Variants in P4HA3 observed in about 807,000 individuals in gnomAD.
P4HA3 encodes prolyl 4-hydroxylase subunit alpha 3.
A neutral mutation model predicts 66.7 loss-of-function variants in P4HA3; 60 were observed. That is an observed-to-expected ratio of 0.90 (90% CI 0.73 to 1.12). The LOEUF is 1.12. Ranked by LOEUF, P4HA3 falls within the 50% of genes most tolerant of loss-of-function variation. P4HA3 has a pLI of 0.00. For missense variants in P4HA3, 683 were observed against 685.8 expected (o/e 1.00, Z 0.05); for synonymous variants, 263 against 274.6 (o/e 0.96, Z 0.42).
intron 1 of P4HA3, among the ~76,000 whole-genome samples, chr11:74,310,000 C>T (rs534448337): frequency 5.1e-4 from 77 of 152,190 alleles, no homozygotes; most frequent in Non-Finnish European, 1.0e-3. Context: ...TTCCACATAC[C>T]TTCTTCTCAT....
At chr11:74,268,904 G>C (rs1860090644) in intron 11 of P4HA3, among the ~76,000 whole-genome samples, 1 of 152,154 alleles carries the variant, frequency 6.6e-6, no homozygotes, top group Non-Finnish European at 1.5e-5. Context: ...CCTCAAAGTA[G>C]ACAAAACTCC....
chr11:74,289,807 G>A (rs1265498217), intron 4 of P4HA3, among the ~76,000 whole-genome samples: 1 of 151,878 alleles, frequency 6.6e-6, no homozygotes, highest in Non-Finnish European at 1.5e-5. Flanking sequence ...AGTATTCCCT[G>A]GTGTATGTGC....
At chr11:74,252,601 A>G in intron 15 of P4HA3, 1 of 451,702 alleles carries the variant, frequency 2.2e-6, no homozygotes, top group Non-Finnish European at 4.4e-6. Flanking sequence ...GAGGTGGATA[A>G]TTCTTCATTG....
chr11:74,289,204 T>TAAAA, intron 4 of P4HA3, 74 bp from the exon 5 acceptor site: 11 of 875,978 alleles, frequency 1.3e-5, no homozygotes, highest in Middle Eastern at 3.8e-4. Flanking sequence ...ACCATTAAAT[T>TAAAA]AAAAAAAAAA....
chr11:74,273,608 C>T lies in P4HA3; in HGVS notation c.1336-1G>A, dbSNP rs775919037. ...TTCTGTAGAGGGGGCTGCTTGGTGA[C>T]TGAGAAAAAAAAAAACAGAACATAT... On this transcript the variant is annotated splice_acceptor_variant, in intron 9 of 12. Transcript: ENST00000331597. LOFTEE classifies it high-confidence loss of function. 1 of 1,548,642 alleles carries T rather than the reference C, an allele frequency of 6.5e-7. No homozygotes were observed. The highest frequency in any genetic ancestry group is 8.7e-7 in the Non-Finnish European group (1 of 1,154,682).
At chr11:74,276,857 G>A (rs1177913927) in intron 9 of P4HA3, 128 bp downstream of exon 9, 1 of 1,083,106 alleles carries the variant, frequency 9.2e-7, no homozygotes, top group Non-Finnish European at 1.3e-6. Context: ...AGATATTTCT[G>A]GAAAAAGAAC....
At chr11:74,296,624 G>C (rs1294119373) in intron 4 of P4HA3, among the ~76,000 whole-genome samples, 2 of 152,120 alleles carry the variant, frequency 1.3e-5, no homozygotes, top group African/African-American at 2.4e-5. Context: ...AACATAAACA[G>C]GATTTCACCA....
intron 9 of P4HA3, among the ~76,000 whole-genome samples, chr11:74,274,471 A>C (rs1486918005): frequency 6.8e-6 from 1 of 147,578 alleles, no homozygotes; most frequent in Non-Finnish European, 1.5e-5. Flanking sequence ...ATGCCCAGCT[A>C]ATTTTTTTTT....
At position 74,311,423 on chromosome 11, in the gene P4HA3, C is replaced by T. The variant is rs886801251; in HGVS notation, c.189G>A (p.Arg63=). 1 of 1,529,388 alleles carries T rather than the reference C, an allele frequency of 6.5e-7. No homozygotes were observed. The highest frequency in any genetic ancestry group is 8.7e-7 in the Non-Finnish European group (1 of 1,145,658). The allele number at this position is 1,529,388 out of a possible 1,614,324, so 94.7% of individuals were successfully genotyped here. A position where few individuals can be genotyped will look rare whatever the true frequency, so the allele number is the denominator to read the frequency against. The stretch of plus-strand genomic sequence containing the variant: ...CGTCGTGCCCTCACCTAGTCAGGTC[C>T]CGCAGCCGCGCCTCCTCCCCGCGCA... ...RYLRGEEARL[R]DLTRFYDKVL... Residue 63 remains arginine (R), a synonymous_variant, in exon 1 of 13, where the codon CGG becomes CGA. Transcript: ENST00000331597.
chr11:74,298,992 A>C (rs925142330), intron 3 of P4HA3, among the ~76,000 whole-genome samples: 4 of 152,276 alleles, frequency 2.6e-5, no homozygotes, highest in Non-Finnish European at 4.4e-5. Context: ...TCATTCATTC[A>C]TTCATTTATT....
chr11:74,270,424 T>G (rs1225887193), intron 10 of P4HA3, among the ~76,000 whole-genome samples: 1 of 152,206 alleles, frequency 6.6e-6, no homozygotes, highest in East Asian at 1.9e-4. Context: ...ATGTGAAGCT[T>G]TTTTTCTGGT....
At chr11:74,292,683 C>T (rs1218499430) in intron 4 of P4HA3, among the ~76,000 whole-genome samples, 1 of 152,244 alleles carries the variant, frequency 6.6e-6, no homozygotes, top group Middle Eastern at 3.4e-3. Flanking sequence ...ATCTTTATTT[C>T]TGCCTTCATT....
rs973360712 is a variant in P4HA3 at position 74,287,850 on chromosome 11, C to A, written c.769+1229G>T. 2.1e-4 allele frequency among the ~76,000 whole-genome samples: 32 copies of A among 152,250 alleles called. No individual in the cohort carries two copies. The East Asian group carries it at 4.1e-3, about 19-fold the overall frequency. On this transcript the variant is annotated intron_variant, in intron 5 of 12. Transcript: ENST00000331597. ...TGGCCAACATGGCAGAACCCCATCT[C>A]TGCTAAAAATATAAAAATTAGCTGG...
intron 8 of P4HA3, among the ~76,000 whole-genome samples, chr11:74,279,176 C>T (rs1032254446): frequency 2.6e-5 from 4 of 152,202 alleles, no homozygotes; most frequent in Non-Finnish European, 4.4e-5. Context: ...AAGTCTCTCT[C>T]GAATGGCCTT....
In P4HA3 at chr11:74,308,758, T is replaced by TTAAAATAAAA. The variant is rs138633165; in HGVS notation, c.200+2644_200+2653dup. On this transcript the variant is annotated intron_variant, in intron 1 of 12. Transcript: ENST00000331597. ...TGGGGCCTAGTTTCACTAGATGGTCTTAAAATAAAATAAAATAAAATAATA... is the reference window on the plus strand; with the variant it reads ...TGGGGCCTAGTTTCACTAGATGGTCTTAAAATAAAATAAAATAAAATAAAATAAAATAATA... 1.5e-3 allele frequency among the ~76,000 whole-genome samples: 224 copies of TTAAAATAAAA among 152,246 alleles called. 1 individual carries two copies. Among genetic ancestry groups the TTAAAATAAAA allele is most frequent in the Middle Eastern group, 6.8e-3 (2 of 294 alleles).
At position 74,298,342 on chromosome 11, in the gene P4HA3, T is replaced by A; in HGVS notation, c.587A>T (p.Asp196Val). 1 of 1,613,370 alleles carries A rather than the reference T, an allele frequency of 6.2e-7. No homozygotes were observed. Among genetic ancestry groups the A allele is most frequent in the Non-Finnish European group, 8.5e-7 (1 of 1,179,824 alleles). Residue 196 changes from aspartate (D) to valine (V), a missense_variant, in exon 4 of 13, where the codon GAT becomes GTT. By Grantham distance (152) the Asp-to-Val change is radical (BLOSUM62 -3). Coordinates refer to ENST00000331597, the MANE Select transcript of P4HA3 (RefSeq NM_182904.5). ...CAGCCATGGAATGGCATGGTAATAATCCCCCATGTCATAGGCCACCTACAC... is the reference window on the plus strand; with the variant it reads ...CAGCCATGGAATGGCATGGTAATAAACCCCCATGTCATAGGCCACCTACAC... ...QVGKVAYDMG[D>V]YYHAIPWLEE...
chr11:74,298,793 AG>A (rs1264668924), intron 3 of P4HA3, among the ~76,000 whole-genome samples: 7 of 152,400 alleles, frequency 4.6e-5, no homozygotes, highest in African/African-American at 1.4e-4. Flanking sequence ...AAGCATTTTA[AG>A]ATGAGGGAAT....
At chr11:74,289,734 C>T (rs147880628) in intron 4 of P4HA3, among the ~76,000 whole-genome samples, 6,047 of 151,582 alleles carry the variant, frequency 0.04, 127 homozygotes, top group Middle Eastern at 0.11. Context: ...CTGAGAATGA[C>T]GGTTTCCAGT....
At chr11:74,261,717 C>T (rs899760444), downstream of P4HA3, among the ~76,000 whole-genome samples, 1 of 151,882 alleles carries the variant, frequency 6.6e-6, no homozygotes, top group Non-Finnish European at 1.5e-5. Context: ...TCAGTCATCC[C>T]AGCATCCTCA....
Sources: allele counts gnomAD v4.1 joint callset (sites outside exome capture counted in the v4.1 genomes callset), GRCh38; gene constraint gnomAD v4.1.1; transcripts MANE v1.5; gene names NCBI Gene and HGNC (gene_info 2026-07-23, HGNC 2026-07-21).